The following SLC66A2 variants were observed in gnomAD, a reference collection of about 807,000 sequenced individuals.
SLC66A2 encodes solute carrier family 66 member 2, also known as PQ loop repeat containing 1.
In SLC66A2, 23 loss-of-function variants were observed where a neutral mutation model predicts 25.5. The ratio of observed to expected loss-of-function variants is 0.90; its 90% CI spans 0.65 to 1.28. SLC66A2 has a LOEUF of 1.28. Ranked by LOEUF, SLC66A2 falls within the 50% of genes most tolerant of loss-of-function variation. The pLI is 0.00. For synonymous variants in SLC66A2, 193 were observed against 166.5 expected (o/e 1.16, Z -1.23); for missense variants, 396 against 373.1 (o/e 1.06, Z -0.51).
At chr18:79,935,250 A>G (rs1224934017) in intron 3 of SLC66A2, 1 of 152,344 alleles carries the variant, frequency 6.6e-6, no homozygotes, top group Non-Finnish European at 1.5e-5. Context: ...AGGCTGGGGA[A>G]GAAGACATGG....
chr18:79,923,353 C>T (rs1985526707), intron 4 of SLC66A2, among the ~76,000 whole-genome samples: 1 of 151,226 alleles, frequency 6.6e-6, no homozygotes, highest in Non-Finnish European at 1.5e-5. Flanking sequence ...ACAGGTGGGT[C>T]ATGCATGGGC....
At chr18:79,931,589 G>A (rs1986574853) in intron 4 of SLC66A2, among the ~76,000 whole-genome samples, 1 of 152,166 alleles carries the variant, frequency 6.6e-6, no homozygotes, top group Non-Finnish European at 1.5e-5. Context: ...CAACTACACA[G>A]AAGAACAATA....
chr18:79,948,842 G>A (rs1346062348), intron 2 of SLC66A2, among the ~76,000 whole-genome samples: 2 of 152,170 alleles, frequency 1.3e-5, no homozygotes, highest in Admixed American at 6.5e-5. Flanking sequence ...CAGGTGGCCT[G>A]CCGACCAGCG....
rs1361976652 is a variant in SLC66A2 at position 79,927,494 on chromosome 18, G to A, written c.391+6475C>T. On this transcript the variant is annotated intron_variant, in intron 4 of 5. Transcript: ENST00000397778. The surrounding 1 kb of genome is among the most constrained non-coding windows in gnomAD (Gnocchi z 6.2). ...GGCCACACCACCTGCTGCAGAATGA[G>A]TATAAATGCCCTTCTTAGCCTTCGA... Among the ~76,000 whole-genome samples the A allele has an allele frequency of 1.3e-5, 2 of 152,236 alleles. No individual in the cohort carries two copies. The highest frequency in any genetic ancestry group is 4.8e-5 in the African/African-American group (2 of 41,466).
chr18:79,913,118 T>A (rs1284402410), intron 5 of SLC66A2, among the ~76,000 whole-genome samples: 1 of 152,176 alleles, frequency 6.6e-6, no homozygotes, highest in Non-Finnish European at 1.5e-5. Flanking sequence ...AATCCTCTCC[T>A]TGCGGGGCGG....
intron 5 of SLC66A2, among the ~76,000 whole-genome samples, chr18:79,912,471 G>A (rs912239022): frequency 2.0e-5 from 3 of 152,186 alleles, no homozygotes; most frequent in Non-Finnish European, 2.9e-5. Flanking sequence ...GAAGTGCAGG[G>A]AAAGACGCCA....
At chr18:79,905,458 T>A (rs1599471611) in intron 5 of SLC66A2, among the ~76,000 whole-genome samples, 1 of 20 alleles carries the variant, frequency 0.05, no homozygotes, top group African/African-American at 0.12. Flanking sequence ...GGCTTCGGAA[T>A]TCCCCCCTGC....
In SLC66A2 at chr18:79,934,056, G is replaced by C. The variant is rs781275491; in HGVS notation, c.338-34C>G. ...TAAAAAGGGAGACAGAAACAGAAAGGGGAAAAAGACAGAAACATACTGGTT... is the reference window on the plus strand; with the variant it reads ...TAAAAAGGGAGACAGAAACAGAAAGCGGAAAAAGACAGAAACATACTGGTT... On this transcript the variant is annotated intron_variant, in intron 3 of 5. Transcript: ENST00000397778. 1.5e-5 allele frequency: 23 copies of C among 1,584,192 alleles called. No homozygotes were observed. In the South Asian group the frequency reaches 2.6e-4, roughly 18 times the overall value.
rs141848961 is a variant in SLC66A2, at chr18:79,950,615, G to T, written c.203+109C>A. The T allele has an allele frequency of 2.3e-5, 24 of 1,029,464 alleles. 1 individual carries two copies. In the African/African-American group the frequency reaches 3.6e-4, roughly 16 times the overall value. The allele number at this position is 1,029,464 out of a possible 1,614,324, so 63.8% of individuals were successfully genotyped here. A position where few individuals can be genotyped will look rare whatever the true frequency, so the allele number is the denominator to read the frequency against. On this transcript the variant is annotated intron_variant, in intron 2 of 5. Transcript: ENST00000397778. ...CCATCCACGGCAGAGTGGGACGCTG[G>T]CCCAGCAGGGAGGTGTGGACCCTGC...
chr18:79,931,499 A>G (rs1986565121), intron 4 of SLC66A2, among the ~76,000 whole-genome samples: 1 of 152,250 alleles, frequency 6.6e-6, no homozygotes, highest in Admixed American at 6.5e-5. Flanking sequence ...ATCAAACAAA[A>G]ACTGACAGAA....
rs1217272053 is a variant in SLC66A2 at position 79,940,015 on chromosome 18, T to C, written c.337+3314A>G. Among the ~76,000 whole-genome samples, 1 of 152,204 alleles carries C rather than the reference T, an allele frequency of 6.6e-6. No homozygotes were observed. The highest frequency in any genetic ancestry group is 1.5e-5 in the Non-Finnish European group (1 of 68,044). ...TAGATTTTCTTCTGGATGAAGCAAA[T>C]GTGGTACGTATACACCACGGAACAC... On this transcript the variant is annotated intron_variant, in intron 3 of 5. Transcript: ENST00000397778. This position sits in a 1 kb window ranked among gnomAD's most constrained non-coding sequence, Gnocchi z 4.1.
chr18:79,911,199 C>T (rs1294604103), intron 5 of SLC66A2, among the ~76,000 whole-genome samples: 2 of 152,238 alleles, frequency 1.3e-5, no homozygotes, highest in Non-Finnish European at 2.9e-5. Context: ...CAGGCCCATT[C>T]GGAGCCCACC....
chr18:79,913,598 T>C (rs1199437289), intron 5 of SLC66A2, among the ~76,000 whole-genome samples: 4 of 152,220 alleles, frequency 2.6e-5, no homozygotes, highest in Non-Finnish European at 5.9e-5. Context: ...TGTGTGTGTG[T>C]GCATGCGCGC....
At chr18:79,932,485 A>G (rs1986669363) in intron 4 of SLC66A2, among the ~76,000 whole-genome samples, 4 of 152,018 alleles carry the variant, frequency 2.6e-5, no homozygotes, top group Admixed American at 2.6e-4. Context: ...AAAAGAAAGA[A>G]AGAAAGAAAG....
intron 5 of SLC66A2, among the ~76,000 whole-genome samples, chr18:79,910,915 G>A (rs748660759): frequency 4.6e-5 from 7 of 152,244 alleles, no homozygotes; most frequent in African/African-American, 2.4e-5. Flanking sequence ...CAGACCTAGA[G>A]AGACAGCTTT....
chr18:79,937,540 T>C lies in SLC66A2; in HGVS notation c.338-3518A>G, dbSNP rs762905832. On this transcript the variant is annotated intron_variant, in intron 3 of 5. Coordinates refer to ENST00000397778, the MANE Select transcript of SLC66A2 (RefSeq NM_025078.5). This position sits in a 1 kb window ranked among gnomAD's most constrained non-coding sequence, Gnocchi z 5.4. ...ATTACACCTGTGGATAGCTGAACAA[T>C]GGGTACCCGCCCATTTCTCTGCAGA... Among the ~76,000 whole-genome samples, 1 of 152,124 alleles carries C rather than the reference T, an allele frequency of 6.6e-6. No individual in the cohort carries two copies. The highest frequency in any genetic ancestry group is 1.5e-5 in the Non-Finnish European group (1 of 68,024).
rs1338103427 is a variant in SLC66A2 at position 79,937,511 on chromosome 18, A to G, written c.338-3489T>C. Among the ~76,000 whole-genome samples the G allele has an allele frequency of 3.9e-5, 6 of 152,190 alleles. No individual in the cohort carries two copies. Among genetic ancestry groups the G allele is most frequent in the Admixed American group, 1.3e-4 (2 of 15,286 alleles). Reference sequence around the variant, plus strand: ...TGGTAAAGAGACCCGCATTTCCTTTATAAATTACACCTGTGGATAGCTGAA... The same window carrying G: ...TGGTAAAGAGACCCGCATTTCCTTTGTAAATTACACCTGTGGATAGCTGAA... On this transcript the variant is annotated intron_variant, in intron 3 of 5. Transcript: ENST00000397778. The surrounding 1 kb of genome is among the most constrained non-coding windows in gnomAD (Gnocchi z 5.4).
chr18:79,939,168 G>T (rs544852146), intron 3 of SLC66A2, among the ~76,000 whole-genome samples: 20 of 152,256 alleles, frequency 1.3e-4, no homozygotes, highest in African/African-American at 4.6e-4. Context: ...CCCTATAAAA[G>T]ATAGCTGGAA....
rs1407034649 is a variant in SLC66A2 at position 79,919,316 on chromosome 18, T to C, written c.476A>G (p.Tyr159Cys). The change falls in exon 5 of 6, where the codon TAC becomes TGC. Residue 159 changes from tyrosine (Y) to cysteine (C), a missense_variant. Tyr to Cys is a radical substitution (Grantham distance 194). Coordinates refer to ENST00000397778, the MANE Select transcript of SLC66A2 (RefSeq NM_025078.5). Reference protein sequence around the residue: ...CVLAFTGVAGYITYLSIDSAL... With the variant: ...CVLAFTGVAGCITYLSIDSAL... ...GGAGTCAATGGACAGGTAGGTGATG[T>C]AGCCCGCCACGCCCGTGAAGGCCAG... 2.5e-6 allele frequency: 4 copies of C among 1,613,212 alleles called. No individual in the cohort carries two copies. In the East Asian group the frequency reaches 6.7e-5, roughly 27 times the overall value.
Sources: gnomAD v4.1 joint callset for allele counts (sites outside exome capture counted in the v4.1 genomes callset) on GRCh38, gnomAD v4.1.1 for gene constraint, Gnocchi (gnomAD v3.1) non-coding constraint, MANE v1.5 for transcripts, NCBI Gene and HGNC (gene_info 2026-07-23, HGNC 2026-07-21) for gene names.